The following ITGAD variants were observed in gnomAD, a reference collection of about 807,000 sequenced individuals.
ITGAD encodes integrin subunit alpha D, also known as integrin alpha-D.
In ITGAD, 105 loss-of-function variants were observed where a neutral mutation model predicts 139.0. The observed-to-expected ratio is 0.76, with a 90% CI of 0.65 to 0.89. ITGAD has a LOEUF of 0.89. ITGAD is among the 40% of genes least tolerant of loss of function. The pLI, the probability that ITGAD is intolerant of heterozygous loss-of-function variation, is 0.00. For synonymous variants in ITGAD, 569 were observed against 598.3 expected (o/e 0.95, Z 0.71); for missense variants, 1,384 against 1,487.3 (o/e 0.93, Z 1.14).
Position 31,407,504 on chromosome 16 carries a change from C to T in ITGAD, c.705-11C>T. 2 of 1,560,098 alleles carry T rather than the reference C, an allele frequency of 1.3e-6. No individual in the cohort carries two copies. Among genetic ancestry groups the T allele is most frequent in the Non-Finnish European group, 1.7e-6 (2 of 1,151,730 alleles). ...ATCTCAGTAGAGTCATCTTCCTTTC[C>T]TCCCCGACAGGACACAGCTATTTCA... is the stretch of plus-strand genomic sequence containing the variant. On this transcript the variant is annotated splice_polypyrimidine_tract_variant and intron_variant, in intron 7 of 29. Coordinates refer to ENST00000389202, the MANE Select transcript of ITGAD (RefSeq NM_005353.3).
chr16:31,415,044 G>A, intron 18 of ITGAD, 53 bp downstream of exon 18: 1 of 1,604,990 alleles, frequency 6.2e-7, no homozygotes, highest in East Asian at 2.2e-5. Flanking sequence ...TTGTCTCCAT[G>A]AGCTTAAGAA....
intron 19 of ITGAD, 50 bp from the exon 20 acceptor site, chr16:31,416,455 C>G (rs2081888136): frequency 3.8e-6 from 6 of 1,587,042 alleles, no homozygotes; most frequent in Non-Finnish European, 5.2e-6. Flanking sequence ...TTCCCAGTTC[C>G]CACCTATTTC....
chr16:31,395,333 T>C (rs1388560758), intron 2 of ITGAD, among the ~76,000 whole-genome samples: 2 of 149,152 alleles, frequency 1.3e-5, no homozygotes, highest in Admixed American at 6.7e-5. Context: ...AAAAAAGTCA[T>C]GGGAGAAGGG....
chr16:31,397,660 G>A lies in ITGAD; in HGVS notation c.306G>A (p.Arg102=), dbSNP rs757495174. The part of the protein sequence containing the change: ...LTLAASTNGS[R]LLACGPTLHR... ...TGGCAGCCTCCACCAACGGCTCCCGGCTCCTGGTGAGTGAGTGTCTTGGGC... is the reference window on the plus strand; with the variant it reads ...TGGCAGCCTCCACCAACGGCTCCCGACTCCTGGTGAGTGAGTGTCTTGGGC... The change falls in exon 4 of 30, where the codon CGG becomes CGA. Residue 102 remains arginine, a synonymous_variant. Transcript: ENST00000389202. 6.3e-7 allele frequency: 1 copy of A among 1,595,862 alleles called. No individual in the cohort carries two copies. The highest frequency in any genetic ancestry group is 8.5e-7 in the Non-Finnish European group (1 of 1,177,088).
At chr16:31,406,888 G>C (rs1453313996) in intron 7 of ITGAD, among the ~76,000 whole-genome samples, 1 of 152,318 alleles carries the variant, frequency 6.6e-6, no homozygotes, top group Admixed American at 6.5e-5. Context: ...CATGGAGAAA[G>C]GCAGAGGCCC....
At chr16:31,397,296 C>T (rs1034541598) in intron 2 of ITGAD, 63 bp from the exon 3 acceptor site, 7 of 1,114,944 alleles carry the variant, frequency 6.3e-6, no homozygotes, top group Admixed American at 6.2e-5. Context: ...TCCTCACCCC[C>T]AAGTGCCCGC....
In ITGAD at chr16:31,411,114, T is replaced by A; in HGVS notation, c.1395T>A (p.Asp465Glu). 6.2e-7 allele frequency: 1 copy of A among 1,612,970 alleles called. No individual in the cohort carries two copies. Among genetic ancestry groups the A allele is most frequent in the Non-Finnish European group, 8.5e-7 (1 of 1,179,778 alleles). Residue 465 changes from aspartate (D) to glutamate (E), a missense_variant, in exon 13 of 30, where the codon GAT becomes GAA. Transcript: ENST00000389202. ...TCGGGGCCTCCCTCTGCTCTGTGGATGTGGACAGCGATGGCAGCACCGACC... is the reference window on the plus strand; with the variant it reads ...TCGGGGCCTCCCTCTGCTCTGTGGAAGTGGACAGCGATGGCAGCACCGACC... ...SYFGASLCSV[D>E]VDSDGSTDLI...
At chr16:31,420,526 TAGTTGGA>T (rs2081988004) in intron 23 of ITGAD, among the ~76,000 whole-genome samples, 1 of 151,934 alleles carries the variant, frequency 6.6e-6, no homozygotes, top group Non-Finnish European at 1.5e-5. Flanking sequence ...GCCTCCCGAG[TAGTTGGA>T]TTACAGGCAT....
chr16:31,419,841 A>G (rs2081975232), intron 23 of ITGAD, among the ~76,000 whole-genome samples: 1 of 151,666 alleles, frequency 6.6e-6, no homozygotes, highest in African/African-American at 2.4e-5. Context: ...AGAAAAAAAA[A>G]GAAAAGAAAA....
chr16:31,397,392 G>A lies in ITGAD; in HGVS notation c.171G>A (p.Ala57=), dbSNP rs747314358. 40 of 1,604,030 alleles carry A rather than the reference G, an allele frequency of 2.5e-5. 1 individual carries two copies. The highest frequency in any genetic ancestry group is 6.7e-5 in the South Asian group (6 of 89,132). ...LVVGAPLEVV[A]ANQTGRLYDC... Reference sequence around the variant, plus strand: ...TGGGAGCACCCCTGGAGGTGGTGGCGGCCAACCAGACGGGACGGCTGTATG... The same window carrying A: ...TGGGAGCACCCCTGGAGGTGGTGGCAGCCAACCAGACGGGACGGCTGTATG... The change falls in exon 3 of 30, where the codon GCG becomes GCA. Residue 57 remains alanine, a synonymous_variant. Transcript: ENST00000389202.
At chr16:31,393,710 G>T (rs77325515) in intron 1 of ITGAD, among the ~76,000 whole-genome samples, 6 of 152,032 alleles carry the variant, frequency 3.9e-5, no homozygotes, top group African/African-American at 1.4e-4. Flanking sequence ...GAAGGCCACA[G>T]AAGCCACCAG....
At chr16:31,401,956 G>A (rs1434152474) in intron 5 of ITGAD, among the ~76,000 whole-genome samples, 159 bp from the exon 6 acceptor site, 1 of 152,148 alleles carries the variant, frequency 6.6e-6, no homozygotes, top group East Asian at 1.9e-4. Context: ...GGGAGGAAGG[G>A]AGCAGGGGGC....
chr16:31,419,109 C>G (rs1055732569), intron 23 of ITGAD, among the ~76,000 whole-genome samples: 8 of 151,068 alleles, frequency 5.3e-5, no homozygotes, highest in African/African-American at 1.9e-4. Context: ...AGGAGAATCT[C>G]TTGAACCTGG....
At chr16:31,398,320 G>A (rs1211359904) in intron 5 of ITGAD, among the ~76,000 whole-genome samples, 1 of 151,804 alleles carries the variant, frequency 6.6e-6, no homozygotes, top group Admixed American at 6.6e-5. Flanking sequence ...CCAGCCACTC[G>A]GGAGGCAGAG....
chr16:31,424,923 C>A (rs2082083685), intron 29 of ITGAD, among the ~76,000 whole-genome samples: 1 of 151,988 alleles, frequency 6.6e-6, no homozygotes, highest in South Asian at 2.1e-4. Context: ...ACACCACCAG[C>A]ATCCAACCCA....
chr16:31,404,900 TCTCA>T (rs747781993), intron 7 of ITGAD, among the ~76,000 whole-genome samples: 4 of 148,970 alleles, frequency 2.7e-5, no homozygotes, highest in Non-Finnish European at 1.5e-5. Context: ...TCATTTCTTC[TCTCA>T]CTCTGTTTTG....
At position 31,410,405 on chromosome 16, in the gene ITGAD, T is replaced by TC; in HGVS notation, c.1096dup (p.Leu366ProfsTer8). 1 of 1,613,980 alleles carries TC rather than the reference T, an allele frequency of 6.2e-7. No homozygotes were observed. The highest frequency in any genetic ancestry group is 8.5e-7 in the Non-Finnish European group (1 of 1,179,942). On this transcript the variant is annotated frameshift_variant, in exon 11 of 30. Coordinates refer to ENST00000389202, the MANE Select transcript of ITGAD (RefSeq NM_005353.3). LOFTEE classifies it high-confidence loss of function. ...ATTCTTTCCTCCCAGGATGGCCTCTTCCTGGGGGCTGTGGGGAGCTTTAGC... is the reference window on the plus strand; with the variant it reads ...ATTCTTTCCTCCCAGGATGGCCTCTTCCCTGGGGGCTGTGGGGAGCTTTAGC...
chr16:31,418,221 T>C (rs768751239), intron 21 of ITGAD, 30 bp downstream of exon 21: 9 of 1,603,658 alleles, frequency 5.6e-6, no homozygotes, highest in East Asian at 4.5e-5. Flanking sequence ...TCCCCATCAC[T>C]GTCCTCCCTT....
Position 31,407,602 on chromosome 16 carries a change from C to T in ITGAD, c.792C>T (p.Asp264=). The change falls in exon 8 of 30, where the codon GAC becomes GAT. Residue 264 remains aspartate, a synonymous_variant. Transcript: ENST00000389202. ...IVITDGQKYK[D]PLEYSDVIPQ... ...TCACAGATGGGCAGAAGTACAAAGACCCCCTGGAATACAGTGATGTCATCC... is the reference window on the plus strand; with the variant it reads ...TCACAGATGGGCAGAAGTACAAAGATCCCCTGGAATACAGTGATGTCATCC... 6.2e-7 allele frequency: 1 copy of T among 1,613,980 alleles called. No individual in the cohort carries two copies. Among genetic ancestry groups the T allele is most frequent in the South Asian group, 1.1e-5 (1 of 91,048 alleles).
Sources: allele counts gnomAD v4.1 joint callset (sites outside exome capture counted in the v4.1 genomes callset), GRCh38; gene constraint gnomAD v4.1.1; transcripts MANE v1.5; gene names NCBI Gene and HGNC (gene_info 2026-07-23, HGNC 2026-07-21).